SMARCA2: variants seen among roughly 807,000 people sequenced by gnomAD.
SMARCA2 encodes SWI/SNF related BAF chromatin remodeling complex subunit ATPase 2.
In SMARCA2, 61 loss-of-function variants were observed where a neutral mutation model predicts 199.8. The observed-to-expected ratio is 0.31, with a 90% CI of 0.25 to 0.38. The LOEUF (loss-of-function observed/expected upper bound fraction) is 0.38, where lower values mean the gene tolerates loss of function less well. Ranked by LOEUF, SMARCA2 falls within the 10% of genes least tolerant of loss-of-function variation. The pLI is 1.00. For missense variants in SMARCA2, 1,344 were observed against 2,012.2 expected, an observed-to-expected ratio of 0.67 and a Z score of 6.35; for synonymous variants, 935 against 732.0, an observed-to-expected ratio of 1.28 and a Z score of -4.48.
At chr9:2,022,426 A>AT (rs1419074042) in intron 1 of SMARCA2, among the ~76,000 whole-genome samples, 1 of 152,190 alleles carries the variant, frequency 6.6e-6, no homozygotes, top group Non-Finnish European at 1.5e-5. Flanking sequence ...TCATTTGTTG[A>AT]TTTTTTAAAA....
chr9:2,148,370 G>A (rs980055597), intron 27 of SMARCA2, among the ~76,000 whole-genome samples: 2 of 151,630 alleles, frequency 1.3e-5, no homozygotes, highest in East Asian at 1.9e-4. Flanking sequence ...GTAGTGGTCA[G>A]TTGAGTGAGC....
intron 29 of SMARCA2, among the ~76,000 whole-genome samples, chr9:2,177,929 A>C (rs927000947): frequency 6.6e-6 from 1 of 151,758 alleles, no homozygotes; most frequent in Non-Finnish European, 1.5e-5. Flanking sequence ...TAAAGCTGAC[A>C]TTTATGTAAA....
chr9:2,107,641 A>T (rs1004553872), intron 23 of SMARCA2, among the ~76,000 whole-genome samples: 13 of 152,246 alleles, frequency 8.5e-5, no homozygotes, highest in African/African-American at 2.9e-4. Context: ...TACACACCAG[A>T]TATATGGTTG....
chr9:2,084,460 T>C (rs984898385), intron 17 of SMARCA2, among the ~76,000 whole-genome samples: 2 of 151,228 alleles, frequency 1.3e-5, no homozygotes, highest in Non-Finnish European at 1.5e-5. Flanking sequence ...CCCCTCAGAG[T>C]TGATGAGTTT....
In SMARCA2 at chr9:2,170,276, C is replaced by A; in HGVS notation, c.4200-143C>A. ...TTATTTTTCCGAATGAGGTTCCAAA[C>A]ATAACCCCGTGTAATCTTCCTAACA... On this transcript the variant is annotated intron_variant, in intron 28 of 33. Coordinates refer to ENST00000349721, the MANE Select transcript of SMARCA2 (RefSeq NM_003070.5). This position sits in a 1 kb window ranked among gnomAD's most constrained non-coding sequence, Gnocchi z 4.7. 1 of 979,814 alleles carries A rather than the reference C, an allele frequency of 1.0e-6. No individual in the cohort carries two copies. The allele number at this position is 979,814 out of a possible 1,614,324, so 60.7% of individuals were successfully genotyped here. A position where few individuals can be genotyped will look rare whatever the true frequency, so the allele number is the denominator to read the frequency against.
intron 19 of SMARCA2, among the ~76,000 whole-genome samples, chr9:2,093,004 A>T (rs1199400322): frequency 6.6e-6 from 1 of 152,142 alleles, no homozygotes; most frequent in Non-Finnish European, 1.5e-5. Context: ...TGTTCAGTCC[A>T]TCCCTTTTCT....
At chr9:2,048,541 T>G (rs1206597089) in intron 5 of SMARCA2, among the ~76,000 whole-genome samples, 1 of 152,210 alleles carries the variant, frequency 6.6e-6, no homozygotes, top group Non-Finnish European at 1.5e-5. Flanking sequence ...GGGCTTCCTT[T>G]TAAAAGGTTA....
intron 25 of SMARCA2, among the ~76,000 whole-genome samples, chr9:2,117,965 C>G (rs922144230): frequency 6.6e-6 from 1 of 152,178 alleles, no homozygotes; most frequent in African/African-American, 2.4e-5. Flanking sequence ...ATGGTTGATG[C>G]GACCATGAAG....
At chr9:2,068,772 G>T (rs1250966688) in intron 9 of SMARCA2, among the ~76,000 whole-genome samples, 1 of 151,686 alleles carries the variant, frequency 6.6e-6, no homozygotes, top group Non-Finnish European at 1.5e-5. Context: ...TAGCTTTCCA[G>T]CAGTAACTTT....
At chr9:2,066,502 A>G (rs1320548618) in intron 9 of SMARCA2, among the ~76,000 whole-genome samples, 1 of 152,214 alleles carries the variant, frequency 6.6e-6, no homozygotes, top group Non-Finnish European at 1.5e-5. Context: ...TTGGGAACAC[A>G]CACTGTCTTT....
chr9:2,059,951 C>G (rs917148928), intron 8 of SMARCA2, among the ~76,000 whole-genome samples: 1 of 151,864 alleles, frequency 6.6e-6, no homozygotes, highest in African/African-American at 2.4e-5. Context: ...CTCAAAATGG[C>G]TTAGAGTACA....
chr9:2,016,913 G>A lies in SMARCA2; in HGVS notation c.-37+1509G>A, dbSNP rs999066389. ...CGCGATGCACTTCCCTAAATAACCG[G>A]TCCGGCGCGCCAGCCCCTCGGCGCC... On this transcript the variant is annotated intron_variant, in intron 1 of 33. Transcript: ENST00000349721. This position sits in a 1 kb window ranked among gnomAD's most constrained non-coding sequence, Gnocchi z 5.6. Among the ~76,000 whole-genome samples, 1 of 152,134 alleles carries A rather than the reference G, an allele frequency of 6.6e-6. No individual in the cohort carries two copies. Among genetic ancestry groups the A allele is most frequent in the Non-Finnish European group, 1.5e-5 (1 of 68,004 alleles).
chr9:2,137,152 T>C (rs1214340135), intron 27 of SMARCA2, among the ~76,000 whole-genome samples: 1 of 152,174 alleles, frequency 6.6e-6, no homozygotes, highest in Non-Finnish European at 1.5e-5. Context: ...AAAAGAAAGA[T>C]TCAGGGCTTT....
In SMARCA2 at chr9:2,033,138, C is replaced by G. The variant is rs1054676010; in HGVS notation, c.355+57C>G. On this transcript the variant is annotated intron_variant, in intron 3 of 33. Transcript: ENST00000349721. ...CCCCAGCATAGTCTTTCAGTCTTTCCTGTTGGATATTTTAATTATGAATTC... is the reference window on the plus strand; with the variant it reads ...CCCCAGCATAGTCTTTCAGTCTTTCGTGTTGGATATTTTAATTATGAATTC... 7 of 1,568,326 alleles carry G rather than the reference C, an allele frequency of 4.5e-6. No individual in the cohort carries two copies. The African/African-American group carries it at 9.6e-5, about 21-fold the overall frequency.
intron 26 of SMARCA2, among the ~76,000 whole-genome samples, chr9:2,122,103 A>G (rs2130620593): frequency 6.6e-6 from 1 of 152,310 alleles, no homozygotes; most frequent in East Asian, 1.9e-4. Context: ...AATCGAATCT[A>G]CCTTTCCTAA....
At chr9:2,025,202 A>T (rs1470439061) in intron 1 of SMARCA2, among the ~76,000 whole-genome samples, 2 of 152,150 alleles carry the variant, frequency 1.3e-5, no homozygotes, top group African/African-American at 4.8e-5. Context: ...GAAAGTGGGA[A>T]GTAAGGACGA....
At chr9:2,140,132 G>C (rs1014865724) in intron 27 of SMARCA2, among the ~76,000 whole-genome samples, 6 of 152,158 alleles carry the variant, frequency 3.9e-5, no homozygotes. Context: ...CCAAGACCAA[G>C]AGTTTTCTAG....
intron 5 of SMARCA2, among the ~76,000 whole-genome samples, chr9:2,051,426 C>T (rs1820114134): frequency 6.6e-6 from 1 of 152,186 alleles, no homozygotes; most frequent in Admixed American, 6.5e-5. Context: ...GTGCCTAAGT[C>T]ACACAGTGCC....
In SMARCA2 at chr9:2,192,807, G is replaced by T; in HGVS notation, c.*68G>T. 1.7e-6 allele frequency: 2 copies of T among 1,178,916 alleles called. No individual in the cohort carries two copies. Among genetic ancestry groups the T allele is most frequent in the South Asian group, 2.5e-5 (2 of 81,022 alleles). The allele number at this position is 1,178,916 out of a possible 1,614,324, so 73.0% of individuals were successfully genotyped here. On this transcript the variant is annotated 3_prime_UTR_variant, in exon 34 of 34. Coordinates refer to ENST00000349721, the MANE Select transcript of SMARCA2 (RefSeq NM_003070.5). Reference sequence around the variant, plus strand: ...CCCCTGTCTCATTTCTACCCAGTGAGTTCATTTGTCATATAGGCACTGGGT... The same window carrying T: ...CCCCTGTCTCATTTCTACCCAGTGATTTCATTTGTCATATAGGCACTGGGT...
Sources: allele counts gnomAD v4.1 joint callset (sites outside exome capture counted in the v4.1 genomes callset), GRCh38; gene constraint gnomAD v4.1.1; non-coding constraint Gnocchi (gnomAD v3.1); transcripts MANE v1.5; gene names NCBI Gene and HGNC (gene_info 2026-07-23, HGNC 2026-07-21).